The following DOP1B variants were observed in gnomAD, a reference collection of about 807,000 sequenced individuals.
DOP1B encodes the protein DOP1 leucine zipper like protein B.
DOP1B carries 174 observed loss-of-function variants against 233.5 expected under a neutral mutation model. That is an observed-to-expected ratio of 0.75 (90% CI 0.66 to 0.85). The LOEUF is 0.85. DOP1B is among the 40% of genes least tolerant of loss of function. The pLI is 0.00. For synonymous variants in DOP1B, 1,190 were observed against 1,185.6 expected (o/e 1.00, Z -0.08); for missense variants, 2,652 against 2,846.6 (o/e 0.93, Z 1.56).
At chr21:36,249,556 G>A (rs541124328) in intron 21 of DOP1B, among the ~76,000 whole-genome samples, 28 of 152,272 alleles carry the variant, frequency 1.8e-4, no homozygotes, top group African/African-American at 6.0e-4. Flanking sequence ...TGCTTTTAGC[G>A]GTGCCTGTCA....
Position 36,164,593 on chromosome 21 carries a change from A to C in DOP1B, c.-26-115A>C, listed in dbSNP as rs554934667. ...GCTAAATATTTGAACAGGATTGCCC[A>C]GTGAGTTTGTGCACAGTTGTGTTTG... On this transcript the variant is annotated intron_variant, in intron 1 of 36. Transcript: ENST00000691173. 5.1e-5 allele frequency: 37 copies of C among 724,102 alleles called. 1 individual carries two copies. In the Middle Eastern group the frequency reaches 1.2e-3, roughly 24 times the overall value. 44.9% of individuals were successfully genotyped at this position (724,102 alleles called of 1,614,324 possible).
At chr21:36,281,752 C>T (rs1268940235) in intron 32 of DOP1B, 141 bp downstream of exon 32, 3 of 721,054 alleles carry the variant, frequency 4.2e-6, no homozygotes, top group Non-Finnish European at 6.3e-6. Context: ...TGGCAAGGGC[C>T]TTCTTGCTGC....
chr21:36,159,406 G>A (rs1053501035), intron 1 of DOP1B, among the ~76,000 whole-genome samples: 3 of 152,070 alleles, frequency 2.0e-5, no homozygotes, highest in African/African-American at 4.8e-5. Context: ...AGTTGAGATC[G>A]CGCCATTGCA....
In DOP1B at chr21:36,258,465, T is replaced by C. The variant is rs1374131256; in HGVS notation, c.5260-2212T>C. Among the ~76,000 whole-genome samples the C allele has an allele frequency of 2.0e-5, 3 of 152,332 alleles. No individual in the cohort carries two copies. In the East Asian group the frequency reaches 5.8e-4, roughly 29 times the overall value. Reference sequence around the variant, plus strand: ...ATGTGCCGACCATTGTAACAAAGTTTGAGGGTGGCACATATCACGCATGTG... The same window carrying C: ...ATGTGCCGACCATTGTAACAAAGTTCGAGGGTGGCACATATCACGCATGTG... On this transcript the variant is annotated intron_variant, in intron 23 of 36. Transcript: ENST00000691173.
chr21:36,260,927 T>C, intron 24 of DOP1B, 195 bp downstream of exon 24: 1 of 1,407,804 alleles, frequency 7.1e-7, no homozygotes, highest in Non-Finnish European at 9.2e-7. Flanking sequence ...CATCTTAAAA[T>C]CTGTGCAGCG....
At chr21:36,208,303 C>T (rs2066452054) in intron 4 of DOP1B, among the ~76,000 whole-genome samples, 1 of 152,198 alleles carries the variant, frequency 6.6e-6, no homozygotes, top group African/African-American at 2.4e-5. Flanking sequence ...TCAGCATATG[C>T]TTGTTTTTGA....
At position 36,246,757 on chromosome 21, in the gene DOP1B, A is replaced by T. The variant is rs1345354443; in HGVS notation, c.4697+80A>T. 6.6e-7 allele frequency: 1 copy of T among 1,510,938 alleles called. No individual in the cohort carries two copies. The highest frequency in any genetic ancestry group is 2.3e-5 in the East Asian group (1 of 43,908). 93.6% of individuals were successfully genotyped at this position (1,510,938 alleles called of 1,614,324 possible). The stretch of plus-strand genomic sequence containing the variant: ...AATGACTGTTTTGCCACGGATGTGG[A>T]TGTCGGTTGGAGGATAATTTCATCC... On this transcript the variant is annotated intron_variant, in intron 19 of 36. Coordinates refer to ENST00000691173, the MANE Select transcript of DOP1B (RefSeq NM_001320714.2). The surrounding 1 kb of genome is among the most constrained non-coding windows in gnomAD (Gnocchi z 5.1).
At chr21:36,255,293 G>A (rs1225501534) in intron 23 of DOP1B, among the ~76,000 whole-genome samples, 3 of 151,692 alleles carry the variant, frequency 2.0e-5, no homozygotes, top group East Asian at 1.9e-4. Context: ...CACCAAGCCC[G>A]GCTAATTTTT....
At chr21:36,170,203 A>G in intron 2 of DOP1B, 1 of 433,808 alleles carries the variant, frequency 2.3e-6, no homozygotes, top group South Asian at 2.3e-5. Flanking sequence ...TTCCACCGGT[A>G]GAGCTCTCCC....
chr21:36,247,855 G>T (rs1296186113), intron 20 of DOP1B, among the ~76,000 whole-genome samples: 1 of 152,258 alleles, frequency 6.6e-6, no homozygotes, highest in East Asian at 1.9e-4. Flanking sequence ...GCAAATGCAT[G>T]TATATAATTA....
intron 1 of DOP1B, among the ~76,000 whole-genome samples, chr21:36,159,333 C>T (rs2065849531): frequency 6.6e-6 from 1 of 152,038 alleles, no homozygotes; most frequent in African/African-American, 2.4e-5. Context: ...TGCCTGTAAT[C>T]CCAGGTACTC....
At chr21:36,236,709 A>G (rs1170251775) in intron 15 of DOP1B, among the ~76,000 whole-genome samples, 1 of 151,542 alleles carries the variant, frequency 6.6e-6, no homozygotes, top group Non-Finnish European at 1.5e-5. Flanking sequence ...TTGACCTCCT[A>G]TAACATTGCC....
rs35020490 is a variant in DOP1B at position 36,244,019 on chromosome 21, CTTTTTTTTTTTTT to C, written c.3068-1016_3068-1004del. On this transcript the variant is annotated intron_variant, in intron 18 of 36. Coordinates refer to ENST00000691173, the MANE Select transcript of DOP1B (RefSeq NM_001320714.2). ...TGTACCTGGCCTGATTTTTCCTTTC[CTTTTTTTTTTTTT>C]TTTTTTTTTTTTGAGACAGAGTCTC... 3.7e-3 allele frequency among the ~76,000 whole-genome samples: 258 copies of C among 70,632 alleles called. 3 individuals are homozygous for C. The Middle Eastern group carries it at 0.05, about 14-fold the overall frequency. The allele number at this position is 70,632 out of a possible 152,430, so 46.3% of individuals were successfully genotyped here. A position where few individuals can be genotyped will look rare whatever the true frequency, so the allele number is the denominator to read the frequency against.
chr21:36,203,203 G>A (rs1022345635), intron 4 of DOP1B, among the ~76,000 whole-genome samples: 2 of 152,148 alleles, frequency 1.3e-5, no homozygotes, highest in Non-Finnish European at 2.9e-5. Flanking sequence ...ATGAATCACC[G>A]AATCTATTTA....
Position 36,259,028 on chromosome 21 carries a change from C to T in DOP1B, c.5260-1649C>T, listed in dbSNP as rs186042608. Among the ~76,000 whole-genome samples, 513 of 142,936 alleles carry T rather than the reference C, an allele frequency of 3.6e-3. 1 individual carries two copies. Among genetic ancestry groups the T allele is most frequent in the Middle Eastern group, 0.012 (3 of 256 alleles). The allele number at this position is 142,936 out of a possible 152,430, so 93.8% of individuals were successfully genotyped here. ...TCTTGCTCTGTCGCCCAGGCTGGCG[C>T]AATCTCGGCTCACTGCAAGCTCCAC... On this transcript the variant is annotated intron_variant, in intron 23 of 36. Transcript: ENST00000691173.
At chr21:36,237,476 T>TA in intron 16 of DOP1B, 62 bp downstream of exon 16, 2 of 1,591,636 alleles carry the variant, frequency 1.3e-6, no homozygotes, top group Non-Finnish European at 8.6e-7. Flanking sequence ...TACGTGCCCT[T>TA]AGCCAACTGA....
At chr21:36,256,980 C>T (rs2067105270) in intron 23 of DOP1B, among the ~76,000 whole-genome samples, 1 of 152,160 alleles carries the variant, frequency 6.6e-6, no homozygotes, top group South Asian at 2.1e-4. Flanking sequence ...CAAGAGCACC[C>T]TTCACTTCAG....
intron 2 of DOP1B, chr21:36,169,893 A>G: frequency 3.8e-6 from 3 of 789,868 alleles, no homozygotes; most frequent in Admixed American, 1.7e-5. Context: ...GGAGGCCTCA[A>G]GGGGTTTCCA....
rs1326624121 is a variant in DOP1B, at chr21:36,164,859, C to A, written c.126C>A (p.Gly42=). Residue 42 remains glycine (G), a synonymous_variant, in exon 2 of 37, where the codon GGC becomes GGA. Coordinates refer to ENST00000691173, the MANE Select transcript of DOP1B (RefSeq NM_001320714.2). ...GGGCGGATCTCATATCTTCACTTGG[C>A]AAACTCAACAAGGTATGTAGGGTGT... The part of the protein sequence containing the change: ...SEWADLISSL[G]KLNKALQSNL... 4 of 1,609,982 alleles carry A rather than the reference C, an allele frequency of 2.5e-6. No homozygotes were observed.
Sources: allele counts gnomAD v4.1 joint callset (sites outside exome capture counted in the v4.1 genomes callset), GRCh38; gene constraint gnomAD v4.1.1; non-coding constraint Gnocchi (gnomAD v3.1); transcripts MANE v1.5; gene names NCBI Gene and HGNC (gene_info 2026-07-23, HGNC 2026-07-21).